Variants in NIPBL observed in about 807,000 individuals in gnomAD.
NIPBL encodes NIPBL cohesin loading factor.
NIPBL carries 19 observed loss-of-function variants against 321.8 expected under a neutral mutation model. The observed-to-expected ratio is 0.06, with a 90% CI of 0.04 to 0.09. The LOEUF (loss-of-function observed/expected upper bound fraction) is 0.09, where lower values mean the gene tolerates loss of function less well. Ranked by LOEUF, NIPBL falls within the 10% of genes least tolerant of loss-of-function variation. NIPBL has a pLI of 1.00. For missense variants in NIPBL, 2,210 were observed against 3,327.0 expected (o/e 0.66, Z 8.26); for synonymous variants, 1,106 against 1,114.1 (o/e 0.99, Z 0.14).
intron 22 of NIPBL, 129 bp from the exon 23 acceptor site, chr5:37,015,909 C>A: frequency 1.3e-6 from 1 of 783,730 alleles, no homozygotes; most frequent in Non-Finnish European, 2.1e-6. Flanking sequence ...ATTTAATGTA[C>A]ATTTATATAT....
At position 37,065,032 on chromosome 5, in the gene NIPBL, T is replaced by C. The variant is rs912890521; in HGVS notation, c.*140T>C. 9.8e-7 allele frequency: 1 copy of C among 1,021,696 alleles called. No homozygotes were observed. The highest frequency in any genetic ancestry group is 2.2e-5 in the Admixed American group (1 of 45,728). The allele number at this position is 1,021,696 out of a possible 1,614,324, so 63.3% of individuals were successfully genotyped here. On this transcript the variant is annotated 3_prime_UTR_variant, in exon 47 of 47. Transcript: ENST00000282516. ...GATGCAGGAACAAAAGAAGGAAATG[T>C]TGGGCAAACATTTTTGTGGGAGCTC... is the stretch of plus-strand genomic sequence containing the variant.
In NIPBL at chr5:36,877,538, G is replaced by A. The variant is rs75611087; in HGVS notation, c.-80+360G>A. Reference sequence around the variant, plus strand: ...GTGACAGGCCTCGCCCGGGAGTGGAGCCGTAGCTAGTGGGGAGGCGGAAAC... The same window carrying A: ...GTGACAGGCCTCGCCCGGGAGTGGAACCGTAGCTAGTGGGGAGGCGGAAAC... On this transcript the variant is annotated intron_variant, in intron 1 of 46. Coordinates refer to ENST00000282516, the MANE Select transcript of NIPBL (RefSeq NM_133433.4). Among the ~76,000 whole-genome samples, 3 of 152,334 alleles carry A rather than the reference G, an allele frequency of 2.0e-5. No homozygotes were observed. In the East Asian group the frequency reaches 5.8e-4, roughly 29 times the overall value.
intron 1 of NIPBL, chr5:36,886,495 T>G: frequency 1.3e-6 from 1 of 758,432 alleles, no homozygotes. Flanking sequence ...TCTGAGACAT[T>G]AAGTCAGCAG....
rs193229978 is a variant in NIPBL, at chr5:37,044,829, A to G, written c.6343+100A>G. On this transcript the variant is annotated intron_variant, in intron 36 of 46. Coordinates refer to ENST00000282516, the MANE Select transcript of NIPBL (RefSeq NM_133433.4). The stretch of plus-strand genomic sequence containing the variant: ...ATAAAAGGCTAGACTCGAGGAAATT[A>G]TGAGGTGTGATTATCCACCGTGGTC... 4 of 818,450 alleles carry G rather than the reference A, an allele frequency of 4.9e-6. No homozygotes were observed. In the East Asian group the frequency reaches 1.1e-4, roughly 22 times the overall value. 50.7% of individuals were successfully genotyped at this position (818,450 alleles called of 1,614,324 possible). A position where few individuals can be genotyped will look rare whatever the true frequency, so the allele number is the denominator to read the frequency against.
chr5:37,032,509 C>T (rs2149712720), intron 32 of NIPBL, among the ~76,000 whole-genome samples: 1 of 151,708 alleles, frequency 6.6e-6, no homozygotes, highest in Non-Finnish European at 1.5e-5. Flanking sequence ...GTAGCTTGCA[C>T]CCAGAATCCC....
chr5:36,970,776 C>T, intron 6 of NIPBL, 100 bp from the exon 7 acceptor site: 2 of 1,043,622 alleles, frequency 1.9e-6, no homozygotes, highest in South Asian at 1.4e-5. Context: ...ATATTATTCT[C>T]TGTAATTTCT....
intron 1 of NIPBL, among the ~76,000 whole-genome samples, chr5:36,909,090 G>A (rs541526110): frequency 1.3e-5 from 2 of 152,142 alleles, no homozygotes; most frequent in African/African-American, 4.8e-5. Context: ...AGAGCTGTTG[G>A]CATTTTGGAC....
At chr5:36,920,182 A>G (rs1055281792) in intron 1 of NIPBL, among the ~76,000 whole-genome samples, 2 of 152,188 alleles carry the variant, frequency 1.3e-5, no homozygotes, top group African/African-American at 2.4e-5. Flanking sequence ...ACACAAATGC[A>G]TATGTTTTCA....
intron 17 of NIPBL, 26 bp from the exon 18 acceptor site, chr5:37,007,297 C>T (rs912530899): frequency 1.3e-6 from 2 of 1,599,944 alleles, no homozygotes; most frequent in South Asian, 2.2e-5. Flanking sequence ...TGATGTTTTC[C>T]TTATCTTGAA....
At chr5:36,937,476 G>A (rs975114149) in intron 1 of NIPBL, among the ~76,000 whole-genome samples, 2 of 151,996 alleles carry the variant, frequency 1.3e-5, no homozygotes, top group Non-Finnish European at 2.9e-5. Flanking sequence ...AGATCTGTGT[G>A]CATGGATTGC....
At chr5:37,006,612 T>TTACAATAATTTTG in intron 17 of NIPBL, 24 bp downstream of exon 17, 1 of 1,510,150 alleles carries the variant, frequency 6.6e-7, no homozygotes, top group Non-Finnish European at 9.1e-7. Flanking sequence ...ATATCAAAAT[T>TTACAATAATTTTG]ATTGTAAATT....
intron 6 of NIPBL, among the ~76,000 whole-genome samples, chr5:36,962,749 G>A (rs932674245): frequency 2.6e-5 from 4 of 152,076 alleles, no homozygotes; most frequent in Admixed American, 6.6e-5. Context: ...TTTTCTTGTC[G>A]TTATTACATA....
chr5:37,053,281 G>T (rs888383342), intron 42 of NIPBL, among the ~76,000 whole-genome samples: 1 of 152,080 alleles, frequency 6.6e-6, no homozygotes, highest in African/African-American at 2.4e-5. Flanking sequence ...ACAATGGTAA[G>T]TATTCATGTA....
Position 37,000,363 on chromosome 5 carries a change from T to A in NIPBL, c.3305-10T>A. On this transcript the variant is annotated splice_polypyrimidine_tract_variant and intron_variant, in intron 11 of 46. Coordinates refer to ENST00000282516, the MANE Select transcript of NIPBL (RefSeq NM_133433.4). ...GAGGTAAATTATTTGTCATGGGGAT[T>A]TGCTTCTAGCCTCTAGGAAACGACA... is the stretch of plus-strand genomic sequence containing the variant. 1 of 1,611,550 alleles carries A rather than the reference T, an allele frequency of 6.2e-7. No individual in the cohort carries two copies. Among genetic ancestry groups the A allele is most frequent in the Non-Finnish European group, 8.5e-7 (1 of 1,178,424 alleles).
At chr5:36,925,495 A>C (rs770161200) in intron 1 of NIPBL, among the ~76,000 whole-genome samples, 2 of 151,922 alleles carry the variant, frequency 1.3e-5, no homozygotes, top group African/African-American at 4.8e-5. Context: ...CGAACTCCCG[A>C]CCTCAGGTGA....
At chr5:36,905,477 G>T (rs1267890972) in intron 1 of NIPBL, among the ~76,000 whole-genome samples, 1 of 152,128 alleles carries the variant, frequency 6.6e-6, no homozygotes, top group Non-Finnish European at 1.5e-5. Context: ...AGTTTTACAT[G>T]TGTGAGTGAG....
chr5:37,042,662 C>A (rs1162832149), intron 34 of NIPBL, among the ~76,000 whole-genome samples: 2 of 151,736 alleles, frequency 1.3e-5, no homozygotes, highest in Non-Finnish European at 2.9e-5. Context: ...TGGTGGCAGG[C>A]TAGTTGTCGA....
chr5:37,008,984 C>T (rs1351329962), intron 20 of NIPBL, among the ~76,000 whole-genome samples: 1 of 152,146 alleles, frequency 6.6e-6, no homozygotes, highest in Non-Finnish European at 1.5e-5. Flanking sequence ...CCATATAACA[C>T]TTTGTTATGC....
intron 24 of NIPBL, 116 bp downstream of exon 24, chr5:37,017,278 A>T: frequency 9.5e-7 from 1 of 1,057,312 alleles, no homozygotes; most frequent in Non-Finnish European, 1.4e-6. Context: ...TTTTACTTCT[A>T]AAAGTGGGCT....
Sources: allele counts gnomAD v4.1 joint callset (sites outside exome capture counted in the v4.1 genomes callset), GRCh38; gene constraint gnomAD v4.1.1; transcripts MANE v1.5; gene names NCBI Gene and HGNC (gene_info 2026-07-23, HGNC 2026-07-21).